Variants in PIK3C2G observed in about 807,000 individuals in gnomAD.
The protein encoded by PIK3C2G is phosphatidylinositol 3-kinase C2 domain-containing subunit gamma.
Under a neutral mutation model 181.1 loss-of-function variants are expected in PIK3C2G, and 168 were observed. That is an observed-to-expected ratio of 0.93 (90% CI 0.82 to 1.05). The LOEUF (loss-of-function observed/expected upper bound fraction) is 1.05, where lower values mean the gene tolerates loss of function less well. PIK3C2G is among the 50% of genes least tolerant of loss of function. The pLI, the probability that PIK3C2G is intolerant of heterozygous loss-of-function variation, is 0.00. For missense variants in PIK3C2G, 1,869 were observed against 1,732.8 expected, an observed-to-expected ratio of 1.08 and a Z score of -1.40; for synonymous variants, 573 against 592.2, an observed-to-expected ratio of 0.97 and a Z score of 0.47.
intron 8 of PIK3C2G, among the ~76,000 whole-genome samples, chr12:18,336,455 C>T (rs1195570426): frequency 6.6e-6 from 1 of 152,032 alleles, no homozygotes; most frequent in Non-Finnish European, 1.5e-5. Context: ...TTAGTACTTT[C>T]TCAAATCTAG....
In PIK3C2G at chr12:18,505,208, TTAC is replaced by T. The variant is rs374901697; in HGVS notation, c.3154-82_3154-80del. The T allele has an allele frequency of 8.9e-3, 10,604 of 1,189,574 alleles. 103 individuals carry two copies. The highest frequency in any genetic ancestry group is 0.035 in the South Asian group (2,142 of 60,352). The allele number at this position is 1,189,574 out of a possible 1,614,324, so 73.7% of individuals were successfully genotyped here. A position where few individuals can be genotyped will look rare whatever the true frequency, so the allele number is the denominator to read the frequency against. On this transcript the variant is annotated intron_variant, in intron 23 of 32. Transcript: ENST00000538779. ...CTGATTATGTAATTTTGCTTATCAT[TTAC>T]TTTTTATGATTACCTCTGATGCTAA... is the stretch of plus-strand genomic sequence containing the variant.
intron 12 of PIK3C2G, among the ~76,000 whole-genome samples, chr12:18,364,307 C>A (rs989091972): frequency 2.3e-4 from 35 of 152,296 alleles, no homozygotes; most frequent in Middle Eastern, 3.4e-3. Context: ...ATTCCACTTG[C>A]CCATCTGGGA....
At chr12:18,387,027 G>A (rs2138014405) in intron 14 of PIK3C2G, among the ~76,000 whole-genome samples, 1 of 152,072 alleles carries the variant, frequency 6.6e-6, no homozygotes, top group Non-Finnish European at 1.5e-5. Flanking sequence ...TGCCCCAAAC[G>A]GAGCCCACTT....
chr12:18,414,598 A>G (rs567204195), intron 16 of PIK3C2G, among the ~76,000 whole-genome samples: 1 of 152,288 alleles, frequency 6.6e-6, no homozygotes, highest in South Asian at 2.1e-4. Context: ...AGACATTTAT[A>G]TTATTCCCAA....
chr12:18,520,225 G>T (rs925209043), intron 24 of PIK3C2G, among the ~76,000 whole-genome samples: 1 of 151,982 alleles, frequency 6.6e-6, no homozygotes, highest in Admixed American at 6.6e-5. Context: ...GATTGTCTTA[G>T]TGGTGTCCTC....
At chr12:18,255,352 T>C (rs1282946829) in intron 1 of PIK3C2G, among the ~76,000 whole-genome samples, 1 of 152,222 alleles carries the variant, frequency 6.6e-6, no homozygotes, top group East Asian at 1.9e-4. Flanking sequence ...CAATAATTAC[T>C]TGAATTTATG....
chr12:18,439,571 C>T (rs1946626003), intron 18 of PIK3C2G, among the ~76,000 whole-genome samples: 1 of 149,248 alleles, frequency 6.7e-6, no homozygotes, highest in Non-Finnish European at 1.5e-5. Context: ...CACCAACTTT[C>T]TGAGCCACTC....
intron 20 of PIK3C2G, 64 bp downstream of exon 20, chr12:18,491,622 T>A: frequency 3.3e-6 from 3 of 917,174 alleles, no homozygotes; most frequent in Admixed American, 2.3e-5. Context: ...GTTCATTGTA[T>A]ATGTTTGAAA....
intron 12 of PIK3C2G, 183 bp downstream of exon 12, chr12:18,363,069 C>A: frequency 6.6e-6 from 3 of 454,790 alleles, no homozygotes; most frequent in East Asian, 3.8e-5. Context: ...GATTAAAAGT[C>A]CATTTAGAAA....
At chr12:18,299,914 A>C (rs1351764078) in intron 5 of PIK3C2G, among the ~76,000 whole-genome samples, 1 of 151,798 alleles carries the variant, frequency 6.6e-6, no homozygotes, top group Non-Finnish European at 1.5e-5. Flanking sequence ...TTTAATGTAT[A>C]ATTGGATTCA....
intron 18 of PIK3C2G, among the ~76,000 whole-genome samples, chr12:18,475,417 T>C (rs1324442196): frequency 7.1e-6 from 1 of 140,494 alleles, no homozygotes; most frequent in Non-Finnish European, 1.6e-5. Flanking sequence ...CACCATTTTT[T>C]TCTTACATTT....
intron 18 of PIK3C2G, among the ~76,000 whole-genome samples, chr12:18,457,421 TG>T (rs1947689971): frequency 6.6e-6 from 1 of 152,180 alleles, no homozygotes; most frequent in African/African-American, 2.4e-5. Flanking sequence ...TATATTGTCT[TG>T]TAGACAACCA....
chr12:18,273,131 T>A (rs1470929942), intron 1 of PIK3C2G, among the ~76,000 whole-genome samples: 1 of 152,114 alleles, frequency 6.6e-6, no homozygotes, highest in Non-Finnish European at 1.5e-5. Flanking sequence ...CAAAATATTA[T>A]GAGGATGAAA....
At chr12:18,656,787 G>A in the PIK3C2G span, among the ~76,000 whole-genome samples, 1 of 151,962 alleles carries the variant, frequency 6.6e-6, no homozygotes, top group Non-Finnish European at 1.5e-5. Flanking sequence ...TATACAGGCA[G>A]AAACGGTCAG....
At chr12:18,648,754 G>C (rs507086), downstream of PIK3C2G, among the ~76,000 whole-genome samples, 5 of 151,990 alleles carry the variant, frequency 3.3e-5, no homozygotes, top group South Asian at 6.2e-4. Flanking sequence ...TTATTTTCCT[G>C]CTTCTGAACC....
At chr12:18,455,137 C>T (rs566758202) in intron 18 of PIK3C2G, among the ~76,000 whole-genome samples, 2 of 152,286 alleles carry the variant, frequency 1.3e-5, no homozygotes, top group East Asian at 1.9e-4. Flanking sequence ...AAAGAATATA[C>T]CAGCAAGACC....
chr12:18,426,125 A>C (rs1945797868), intron 18 of PIK3C2G, among the ~76,000 whole-genome samples: 1 of 152,202 alleles, frequency 6.6e-6, no homozygotes, highest in African/African-American at 2.4e-5. Context: ...TTATTCATAG[A>C]TGCATCATTT....
chr12:18,543,291 A>C (rs565741243), intron 25 of PIK3C2G, among the ~76,000 whole-genome samples: 2 of 151,760 alleles, frequency 1.3e-5, no homozygotes, highest in East Asian at 3.9e-4. Context: ...TGGGTATTAG[A>C]CCTTTGTCAG....
At chr12:18,702,818 C>CTTTTTT in the PIK3C2G span, among the ~76,000 whole-genome samples, 107 of 116,582 alleles carry the variant, frequency 9.2e-4, 3 homozygotes, top group East Asian at 2.1e-3. Context: ...GATAAAGTAA[C>CTTTTTT]TTTTTTTTTT....
Sources: gnomAD v4.1 joint callset for allele counts (sites outside exome capture counted in the v4.1 genomes callset) on GRCh38, gnomAD v4.1.1 for gene constraint, MANE v1.5 for transcripts, NCBI Gene and HGNC (gene_info 2026-07-23, HGNC 2026-07-21) for gene names.